Variants in LINGO2 observed in about 807,000 individuals in gnomAD.
LINGO2 encodes the protein leucine rich repeat and Ig domain containing 2.
In LINGO2, 14 loss-of-function variants were observed where a neutral mutation model predicts 30.6. That is an observed-to-expected ratio of 0.46 (90% CI 0.30 to 0.72). LINGO2 has a LOEUF of 0.72. Ranked by LOEUF, LINGO2 falls within the 30% of genes least tolerant of loss-of-function variation. The probability of loss-of-function intolerance (pLI) is 0.07; values close to 1 mark genes in which losing one functional copy is unlikely to be tolerated. For synonymous variants in LINGO2, 317 were observed against 288.5 expected, an observed-to-expected ratio of 1.10 and a Z score of -1.00; for missense variants, 729 against 751.7, an observed-to-expected ratio of 0.97 and a Z score of 0.35.
chr9:28,987,321 T>C, the LINGO2 span, among the ~76,000 whole-genome samples: 1 of 152,030 alleles, frequency 6.6e-6, no homozygotes, highest in African/African-American at 2.4e-5. Context: ...GGTTATCTGA[T>C]TTGTTGATTT....
the LINGO2 span, among the ~76,000 whole-genome samples, chr9:28,888,084 T>G: frequency 6.6e-6 from 1 of 152,088 alleles, no homozygotes; most frequent in Non-Finnish European, 1.5e-5. Flanking sequence ...AATATAACCT[T>G]TAGATATGAT....
intron 1 of LINGO2, among the ~76,000 whole-genome samples, chr9:28,648,101 G>GCAAAATTC (rs1471299211): frequency 1.3e-5 from 2 of 151,804 alleles, no homozygotes; most frequent in African/African-American, 2.4e-5. Context: ...AATGATCCCT[G>GCAAAATTC]CAAAATTCCA....
intron 4 of LINGO2, among the ~76,000 whole-genome samples, chr9:28,091,080 G>A (rs1320308799): frequency 1.3e-5 from 2 of 152,138 alleles, no homozygotes; most frequent in Non-Finnish European, 1.5e-5. Flanking sequence ...CAAACAAATG[G>A]AAGAACATTC....
intron 3 of LINGO2, among the ~76,000 whole-genome samples, chr9:28,349,826 G>C (rs1382956228): frequency 6.6e-6 from 1 of 152,070 alleles, no homozygotes; most frequent in African/African-American, 2.4e-5. Flanking sequence ...CAAGCCAGAA[G>C]AGACTGGGGG....
chr9:29,047,051 A>AAACAAAAAAAAAAAAC, the LINGO2 span, among the ~76,000 whole-genome samples: 1 of 106,908 alleles, frequency 9.4e-6, no homozygotes, highest in African/African-American at 3.3e-5. Flanking sequence ...AAAAAAAAAA[A>AAACAAAAAAAAAAAAC]CCAAAAACAA....
the LINGO2 span, among the ~76,000 whole-genome samples, chr9:29,022,167 C>A: frequency 6.6e-6 from 1 of 152,058 alleles, no homozygotes; most frequent in Non-Finnish European, 1.5e-5. Flanking sequence ...TTTTCTCCTT[C>A]TTAAAATGAA....
At chr9:27,972,031 T>G (rs1485020630) in intron 5 of LINGO2, among the ~76,000 whole-genome samples, 1 of 152,196 alleles carries the variant, frequency 6.6e-6, no homozygotes, top group Non-Finnish European at 1.5e-5. Context: ...TTTTCTTCTT[T>G]GATCCTTTCC....
chr9:28,984,734 A>C, the LINGO2 span, among the ~76,000 whole-genome samples: 2 of 152,120 alleles, frequency 1.3e-5, no homozygotes, highest in African/African-American at 2.4e-5. Flanking sequence ...TTTTAACTTT[A>C]TTGTAAATTG....
At chr9:28,132,946 G>A (rs1164369673) in intron 4 of LINGO2, among the ~76,000 whole-genome samples, 1 of 152,182 alleles carries the variant, frequency 6.6e-6, no homozygotes, top group East Asian at 1.9e-4. Context: ...AAAAGGTAAT[G>A]TCCATATTCA....
chr9:28,218,971 C>T (rs1256476079), intron 4 of LINGO2, among the ~76,000 whole-genome samples: 1 of 152,130 alleles, frequency 6.6e-6, no homozygotes, highest in Non-Finnish European at 1.5e-5. Context: ...CTTGGATAAC[C>T]TGAAACTTGT....
chr9:28,882,619 G>T, the LINGO2 span, among the ~76,000 whole-genome samples: 2 of 151,974 alleles, frequency 1.3e-5, no homozygotes, highest in Non-Finnish European at 2.9e-5. Flanking sequence ...CTAAGATAAG[G>T]GCTCTCAACC....
At chr9:29,187,158 A>C in the LINGO2 span, among the ~76,000 whole-genome samples, 1 of 152,188 alleles carries the variant, frequency 6.6e-6, no homozygotes, top group Non-Finnish European at 1.5e-5. Context: ...ACAGTCCTAC[A>C]ATAAAATTTT....
chr9:28,381,579 T>C (rs1821360293), intron 2 of LINGO2, among the ~76,000 whole-genome samples: 1 of 151,978 alleles, frequency 6.6e-6, no homozygotes, highest in African/African-American at 2.4e-5. Context: ...TGTGTCTGAA[T>C]CAGCACCATC....
chr9:29,170,449 G>A, the LINGO2 span, among the ~76,000 whole-genome samples: 183 of 152,182 alleles, frequency 1.2e-3, 2 homozygotes, highest in African/African-American at 3.8e-3. Flanking sequence ...ACTATAAAAG[G>A]TGGGAAGGGA....
chr9:28,731,297 G>GT, the LINGO2 span, among the ~76,000 whole-genome samples: 1 of 151,938 alleles, frequency 6.6e-6, no homozygotes, highest in South Asian at 2.1e-4. Context: ...CCTAGCCCAG[G>GT]TATTTTTCAG....
At chr9:28,943,347 G>A in the LINGO2 span, among the ~76,000 whole-genome samples, 2 of 151,354 alleles carry the variant, frequency 1.3e-5, no homozygotes, top group African/African-American at 4.9e-5. Context: ...CTAAAATAAA[G>A]ATCCAAGGAG....
At position 28,302,182 on chromosome 9, in the gene LINGO2, C is replaced by T. The variant is rs753657966; in HGVS notation, c.-245-6816G>A. ...AGCCATATAAACAAGCTAATGCAAT[C>T]AAGTTTTTATTGGTGTAAGGCAGAC... is the stretch of plus-strand genomic sequence containing the variant. On this transcript the variant is annotated intron_variant, in intron 3 of 5. Transcript: ENST00000379992. Among the ~76,000 whole-genome samples the T allele has an allele frequency of 2.6e-5, 4 of 152,136 alleles. No individual in the cohort carries two copies. In the East Asian group the frequency reaches 7.7e-4, roughly 29 times the overall value.
chr9:28,978,210 G>C, the LINGO2 span, among the ~76,000 whole-genome samples: 3 of 152,074 alleles, frequency 2.0e-5, no homozygotes, highest in Non-Finnish European at 2.9e-5. Flanking sequence ...GGATGTACTG[G>C]ATTGTCAAAT....
the LINGO2 span, among the ~76,000 whole-genome samples, chr9:29,042,636 G>A: frequency 1.3e-4 from 20 of 151,728 alleles, no homozygotes; most frequent in African/African-American, 4.4e-4. Flanking sequence ...CCTTTAAAAC[G>A]TGTTTTAATT....
Sources: gnomAD v4.1 joint callset for allele counts (sites outside exome capture counted in the v4.1 genomes callset) on GRCh38, gnomAD v4.1.1 for gene constraint, MANE v1.5 for transcripts, NCBI Gene and HGNC (gene_info 2026-07-23, HGNC 2026-07-21) for gene names.